ROBO2: variants seen among roughly 807,000 people sequenced by gnomAD.
The protein encoded by ROBO2 is roundabout guidance receptor 2.
In ROBO2, 53 loss-of-function variants were observed where a neutral mutation model predicts 160.8. That is an observed-to-expected ratio of 0.33 (90% CI 0.26 to 0.41). The LOEUF is 0.41. Among genes scored for constraint, ROBO2 ranks in the 10% least tolerant of loss-of-function variants. The probability of loss-of-function intolerance (pLI) is 1.00; values close to 1 mark genes in which losing one functional copy is unlikely to be tolerated. For missense variants in ROBO2, 1,577 were observed against 1,722.4 expected (o/e 0.92, Z 1.49); for synonymous variants, 664 against 611.7 (o/e 1.09, Z -1.26).
At chr3:76,319,040 G>A (rs1033957471) in intron 2 of ROBO2, among the ~76,000 whole-genome samples, 1 of 151,998 alleles carries the variant, frequency 6.6e-6, no homozygotes, top group Non-Finnish European at 1.5e-5. Context: ...TTCTAAAAAG[G>A]AAAGAAAATA....
chr3:76,661,146 T>C (rs549103396), intron 2 of ROBO2, among the ~76,000 whole-genome samples: 2 of 152,202 alleles, frequency 1.3e-5, no homozygotes, highest in Non-Finnish European at 2.9e-5. Context: ...TAATTGAATC[T>C]GTTTGGTCAG....
At chr3:76,277,042 G>A (rs1334127068) in intron 2 of ROBO2, among the ~76,000 whole-genome samples, 2 of 151,974 alleles carry the variant, frequency 1.3e-5, no homozygotes, top group Non-Finnish European at 2.9e-5. Flanking sequence ...AACAAAGTTT[G>A]TGTACTTTGA....
rs561545667 is a variant in ROBO2, at chr3:76,135,274, T to A, written c.109+197672T>A. On this transcript the variant is annotated intron_variant, in intron 2 of 26. Transcript: ENST00000487694. ...GAAGATGTGAAATTTAGGGAATAAT[T>A]AGCCTTTTAATATACCCGTCAAGGT... Among the ~76,000 whole-genome samples, 5 of 152,176 alleles carry A rather than the reference T, an allele frequency of 3.3e-5. No homozygotes were observed. The South Asian group carries it at 1.0e-3, about 32-fold the overall frequency.
At chr3:76,674,938 T>C (rs1252260925) in intron 2 of ROBO2, among the ~76,000 whole-genome samples, 1 of 151,762 alleles carries the variant, frequency 6.6e-6, no homozygotes, top group African/African-American at 2.4e-5. Flanking sequence ...AACCCACACA[T>C]GAAAAAAAAC....
intron 2 of ROBO2, among the ~76,000 whole-genome samples, chr3:76,170,257 A>G (rs1342686377): frequency 2.0e-5 from 3 of 152,310 alleles, no homozygotes; most frequent in Admixed American, 6.5e-5. Flanking sequence ...GCATTTTTCA[A>G]TTCCCTTTTA....
At chr3:77,476,673 C>T (rs1340223365) in intron 2 of ROBO2, among the ~76,000 whole-genome samples, 1 of 152,086 alleles carries the variant, frequency 6.6e-6, no homozygotes, top group Non-Finnish European at 1.5e-5. Context: ...AGATAGGTGA[C>T]ATTTGGAGAG....
chr3:77,186,183 G>GTT lies in ROBO2; in HGVS notation c.388+87853_388+87854dup, dbSNP rs199864289. 2.0e-4 allele frequency among the ~76,000 whole-genome samples: 29 copies of GTT among 147,778 alleles called. 1 individual carries two copies. The highest frequency in any genetic ancestry group is 2.0e-4 in the African/African-American group (8 of 40,570). The stretch of plus-strand genomic sequence containing the variant: ...CTTCCCAAATAACCTATGGAAATAA[G>GTT]TTTTTTTTTTTAAGTCAGTGTCATA... On this transcript the variant is annotated intron_variant, in intron 2 of 25. Transcript: ENST00000461745.
chr3:76,529,180 G>T (rs1236106965), intron 2 of ROBO2, among the ~76,000 whole-genome samples: 1 of 152,100 alleles, frequency 6.6e-6, no homozygotes, highest in Non-Finnish European at 1.5e-5. Context: ...TAGATAAGAT[G>T]GTCAGGAAAG....
chr3:75,964,492 C>CT (rs1330824505), intron 2 of ROBO2, among the ~76,000 whole-genome samples: 3 of 151,486 alleles, frequency 2.0e-5, no homozygotes, highest in Admixed American at 2.0e-4. Flanking sequence ...CAATCCTGCA[C>CT]TTTATCTTCA....
intron 2 of ROBO2, among the ~76,000 whole-genome samples, chr3:77,145,535 T>C (rs2077050833): frequency 6.6e-6 from 1 of 152,132 alleles, no homozygotes; most frequent in Non-Finnish European, 1.5e-5. Flanking sequence ...TAGGTTAATA[T>C]TGTTTAGGCT....
At chr3:76,998,597 C>A (rs375549523) in intron 2 of ROBO2, among the ~76,000 whole-genome samples, 2 of 152,226 alleles carry the variant, frequency 1.3e-5, no homozygotes, top group East Asian at 3.9e-4. Context: ...TCATAACATA[C>A]CGTGTGTAAT....
intron 2 of ROBO2, among the ~76,000 whole-genome samples, chr3:76,052,760 T>C (rs1480177582): frequency 2.0e-5 from 3 of 152,014 alleles, no homozygotes; most frequent in Non-Finnish European, 4.4e-5. Context: ...CATTCATATC[T>C]TCAAATCTGA....
intron 2 of ROBO2, among the ~76,000 whole-genome samples, chr3:76,834,075 TTTCTTTC>T (rs1559574968): frequency 2.3e-5 from 3 of 132,456 alleles, no homozygotes; most frequent in Admixed American, 7.7e-5. Flanking sequence ...TCTTTCTTTC[TTTCTTTC>T]TTTCTTTCTT....
chr3:76,356,192 G>A (rs2075150910), intron 2 of ROBO2, among the ~76,000 whole-genome samples: 1 of 151,428 alleles, frequency 6.6e-6, no homozygotes, highest in African/African-American at 2.4e-5. Flanking sequence ...AGAGATTATA[G>A]CTAAAATAGA....
chr3:76,526,637 A>G (rs995851666), intron 2 of ROBO2, among the ~76,000 whole-genome samples: 1 of 151,972 alleles, frequency 6.6e-6, no homozygotes, highest in African/African-American at 2.4e-5. Context: ...TCTTCTATCT[A>G]TAGGTTAATT....
chr3:77,315,485 C>A (rs1237935382), intron 2 of ROBO2, among the ~76,000 whole-genome samples: 2 of 152,190 alleles, frequency 1.3e-5, no homozygotes, highest in South Asian at 4.1e-4. Context: ...AACTTTGAGA[C>A]ACTTAATCAA....
chr3:77,644,701 C>T lies in ROBO2; in HGVS notation c.3935-3C>T, dbSNP rs538313071. On this transcript the variant is annotated splice_region_variant and splice_polypyrimidine_tract_variant and intron_variant, in intron 24 of 25. Transcript: ENST00000461745. ...TAGCCTTTGGGTTTTTTTTCTTTTTCAGAGGAGGCCTTGGTGCCCTATAGC... is the reference window on the plus strand; with the variant it reads ...TAGCCTTTGGGTTTTTTTTCTTTTTTAGAGGAGGCCTTGGTGCCCTATAGC... 4 of 1,613,164 alleles carry T rather than the reference C, an allele frequency of 2.5e-6. No individual in the cohort carries two copies. The East Asian group carries it at 6.7e-5, about 27-fold the overall frequency.
intron 2 of ROBO2, among the ~76,000 whole-genome samples, chr3:76,334,996 T>A (rs1166362945): frequency 6.6e-6 from 1 of 152,052 alleles, no homozygotes; most frequent in African/African-American, 2.4e-5. Context: ...AAATGCTTTT[T>A]TTCATCTATT....
chr3:75,911,650 C>T (rs1946594219), intron 1 of ROBO2, among the ~76,000 whole-genome samples: 1 of 148,408 alleles, frequency 6.7e-6, no homozygotes, highest in Non-Finnish European at 1.5e-5. Context: ...CTCCGCCTCC[C>T]GGGTTCACGC....
Sources: gnomAD v4.1 joint callset for allele counts (sites outside exome capture counted in the v4.1 genomes callset) on GRCh38, gnomAD v4.1.1 for gene constraint, MANE v1.5 for transcripts, NCBI Gene and HGNC (gene_info 2026-07-23, HGNC 2026-07-21) for gene names.